FAM83H: variants seen among roughly 807,000 people sequenced by gnomAD.
The protein encoded by FAM83H is scaffolding CK1 anchoring protein H, also known as protein FAM83H.
In FAM83H, 24 loss-of-function variants were observed where a neutral mutation model predicts 30.2. The observed-to-expected ratio is 0.79, with a 90% CI of 0.57 to 1.12. The LOEUF (loss-of-function observed/expected upper bound fraction) is 1.12, where lower values mean the gene tolerates loss of function less well. Among genes scored for constraint, FAM83H ranks in the 50% most tolerant of loss-of-function variants. The pLI, the probability that FAM83H is intolerant of heterozygous loss-of-function variation, is 0.00. For missense variants in FAM83H, 2,038 were observed against 1,773.9 expected (o/e 1.15, Z -2.67); for synonymous variants, 1,013 against 821.7 (o/e 1.23, Z -3.98).
At position 143,728,736 on chromosome 8, in the gene FAM83H, C is replaced by T. The variant is rs1554623586; in HGVS notation, c.738-13G>A. 3 of 1,598,672 alleles carry T rather than the reference C, an allele frequency of 1.9e-6. No homozygotes were observed. Among genetic ancestry groups the T allele is most frequent in the Admixed American group, 3.3e-5 (2 of 60,012 alleles). ...GGACCACATGAAGCTGTGGGGGGGT[C>T]AGGGCCAGAGTCAAACCGAGCTGGA... On this transcript the variant is annotated splice_polypyrimidine_tract_variant and intron_variant, in intron 4 of 4. Coordinates refer to ENST00000388913, the MANE Select transcript of FAM83H (RefSeq NM_198488.5).
At position 143,733,436 on chromosome 8, in the gene FAM83H, C is replaced by T. The variant is rs1818601293; in HGVS notation, c.-16+255G>A. On this transcript the variant is annotated intron_variant, in intron 1 of 4. Coordinates refer to ENST00000388913, the MANE Select transcript of FAM83H (RefSeq NM_198488.5). This position sits in a 1 kb window ranked among gnomAD's most constrained non-coding sequence, Gnocchi z 5.6. ...GCTCGACCCGGATCCCGGGCCCCTT[C>T]CCCCTCGGCTCTTTTCGGGCCGGCG... 6.6e-6 allele frequency among the ~76,000 whole-genome samples: 1 copy of T among 152,166 alleles called. No homozygotes were observed. Among genetic ancestry groups the T allele is most frequent in the African/African-American group, 2.4e-5 (1 of 41,454 alleles).
At position 143,725,873 on chromosome 8, in the gene FAM83H, C is replaced by A; in HGVS notation, c.*48G>T. On this transcript the variant is annotated 3_prime_UTR_variant, in exon 5 of 5. Transcript: ENST00000388913. ...CTGTTCCGCGGGGCTTCTGGATGAC[C>A]GGGGCAGCGATGCGGGCACCCTGGC... 1 of 1,600,348 alleles carries A rather than the reference C, an allele frequency of 6.2e-7. No individual in the cohort carries two copies. The highest frequency in any genetic ancestry group is 8.5e-7 in the Non-Finnish European group (1 of 1,173,292).
At position 143,726,881 on chromosome 8, in the gene FAM83H, G is replaced by A. The variant is rs1554622124; in HGVS notation, c.2580C>T (p.His860=). The A allele has an allele frequency of 1.2e-6, 2 of 1,612,810 alleles. No individual in the cohort carries two copies. The highest frequency in any genetic ancestry group is 1.7e-5 in the Admixed American group (1 of 60,018). Residue 860 remains histidine (H), a synonymous_variant, in exon 5 of 5, where the codon CAC becomes CAT. Coordinates refer to ENST00000388913, the MANE Select transcript of FAM83H (RefSeq NM_198488.5). ...SPLPLEGSGA[H]QVLHNESKGS... ...CTTTTGACTCATTATGGAGCACCTG[G>A]TGCGCTCCGGACCCTTCCAGCGGCA...
In FAM83H at chr8:143,727,729, G is replaced by T; in HGVS notation, c.1732C>A (p.Leu578Met). 3 of 1,527,680 alleles carry T rather than the reference G, an allele frequency of 2.0e-6. No homozygotes were observed. Among genetic ancestry groups the T allele is most frequent in the East Asian group, 2.6e-5 (1 of 38,786 alleles). The allele number at this position is 1,527,680 out of a possible 1,614,324, so 94.6% of individuals were successfully genotyped here. The change falls in exon 5 of 5, where the codon CTG (leucine) becomes ATG (methionine). Residue 578 changes from leucine (L) to methionine (M), a missense_variant. By Grantham distance (15) the Leu-to-Met change is conservative. Coordinates refer to ENST00000388913, the MANE Select transcript of FAM83H (RefSeq NM_198488.5). ...TAGGAGGCCAAACGCCAGCGCCGCAGCCCTGCCCGCCCCTCGGGCCCGCCC... is the reference window on the plus strand; with the variant it reads ...TAGGAGGCCAAACGCCAGCGCCGCATCCCTGCCCGCCCCTCGGGCCCGCCC... Reference protein sequence around the residue: ...RRGGPEGRAGLRRWRLASYLS... With the variant: ...RRGGPEGRAGMRRWRLASYLS...
chr8:143,726,781 T>A lies in FAM83H; in HGVS notation c.2680A>T (p.Thr894Ser). The change falls in exon 5 of 5, where the codon ACT becomes TCT. Residue 894 changes from threonine to serine, a missense_variant. Transcript: ENST00000388913. ...PGFSTRRGSP[T>S]TGFIEQKGSP... ...CCCTTCTGCTCGATAAATCCTGTAG[T>A]TGGACTTCCTCTTCGAGTGGAAAAC... 1 of 1,611,932 alleles carries A rather than the reference T, an allele frequency of 6.2e-7. No homozygotes were observed. The highest frequency in any genetic ancestry group is 2.2e-5 in the East Asian group (1 of 44,852).
chr8:143,728,325 C>A lies in FAM83H; in HGVS notation c.1136G>T (p.Arg379Leu). Residue 379 changes from arginine to leucine, a missense_variant, in exon 5 of 5, where the codon CGC (arginine) becomes CTC (leucine). Transcript: ENST00000388913. ...PHAGLRPLSR[R>L]LEAEAGPAGE... is the part of the protein sequence containing the mutation. ...AGCCGGCCCGGCCTCGGCCTCCAGG[C>A]GCCGCGAGAGCGGCCGCAGCCCCGC... The A allele has an allele frequency of 6.9e-7, 1 of 1,440,358 alleles. No individual in the cohort carries two copies. Among genetic ancestry groups the A allele is most frequent in the Non-Finnish European group, 9.1e-7 (1 of 1,103,406 alleles). 89.2% of individuals were successfully genotyped at this position (1,440,358 alleles called of 1,614,324 possible). A position where few individuals can be genotyped will look rare whatever the true frequency, so the allele number is the denominator to read the frequency against.
intron 1 of FAM83H, 86 bp from the exon 2 acceptor site, chr8:143,730,683 C>A: frequency 1.0e-6 from 1 of 992,134 alleles, no homozygotes; most frequent in Non-Finnish European, 1.4e-6. Flanking sequence ...TGGAAAGGGC[C>A]GTCAGTGACT....
rs377063712 is a variant in FAM83H, at chr8:143,726,394, G to A, written c.3067C>T (p.Leu1023=). The change falls in exon 5 of 5, where the codon CTG becomes TTG. Residue 1023 remains leucine, a synonymous_variant. Coordinates refer to ENST00000388913, the MANE Select transcript of FAM83H (RefSeq NM_198488.5). ...ATEERGPRAR[L]SSATANALYS... ...AAGGCGTTGGCCGTGGCTGAGGACA[G>A]GCGCGCCCGCGGACCCCGCTCTTCT... 7 of 1,608,256 alleles carry A rather than the reference G, an allele frequency of 4.4e-6. No homozygotes were observed. The highest frequency in any genetic ancestry group is 5.1e-6 in the Non-Finnish European group (6 of 1,178,792).
At position 143,728,164 on chromosome 8, in the gene FAM83H, T is replaced by TCTGCCGCGACAC. The variant is rs1324529289; in HGVS notation, c.1285_1296dup (p.Val429_Gln432dup). The TCTGCCGCGACAC allele has an allele frequency of 1.7e-5, 28 of 1,607,638 alleles. No homozygotes were observed. The highest frequency in any genetic ancestry group is 2.4e-5 in the Non-Finnish European group (28 of 1,179,034). On this transcript the variant is annotated inframe_insertion, in exon 5 of 5. Transcript: ENST00000388913. The stretch of plus-strand genomic sequence containing the variant: ...AAGTCGTCGCCGTGGCTGAGGAACG[T>TCTGCCGCGACAC]CTGCCGCGACACCTGCCGCGCGGCC...
rs782336864 is a variant in FAM83H, at chr8:143,727,553, G to T, written c.1908C>A (p.Phe636Leu). ...LPSAFRVPAA[F>L]PTKVPVPGPG... Reference sequence around the variant, plus strand: ...GGCCTGGCACCGGGACCTTGGTGGGGAAGGCTGCTGGGACGCGGAAGGCCG... The same window carrying T: ...GGCCTGGCACCGGGACCTTGGTGGGTAAGGCTGCTGGGACGCGGAAGGCCG... Residue 636 changes from phenylalanine to leucine, a missense_variant, in exon 5 of 5, where the codon TTC (phenylalanine) becomes TTA (leucine). Physicochemically the swap from Phe to Leu is conservative, Grantham distance 22. Transcript: ENST00000388913. 27 of 1,586,902 alleles carry T rather than the reference G, an allele frequency of 1.7e-5. No individual in the cohort carries two copies. The Admixed American group carries it at 4.4e-4, about 26-fold the overall frequency.
chr8:143,726,047 G>C lies in FAM83H; in HGVS notation c.3414C>G (p.Val1138=), dbSNP rs782787392. The change falls in exon 5 of 5, where the codon GTC becomes GTG. Residue 1138 remains valine, a synonymous_variant. Coordinates refer to ENST00000388913, the MANE Select transcript of FAM83H (RefSeq NM_198488.5). The stretch of plus-strand genomic sequence containing the variant: ...TGCTGGCCTCCTCTTTCTTGCAGAA[G>C]ACCTCGAAGCGGCTGTACACGCGCT... The part of the protein sequence containing the change: ...KEKRVYSRFE[V]FCKKEEASSP... 6.2e-6 allele frequency: 10 copies of C among 1,612,572 alleles called. No individual in the cohort carries two copies. Among genetic ancestry groups the C allele is most frequent in the South Asian group, 2.2e-5 (2 of 91,014 alleles).
rs781822439 is a variant in FAM83H at position 143,725,742 on chromosome 8, G to A, written c.*179C>T. On this transcript the variant is annotated 3_prime_UTR_variant, in exon 5 of 5. Transcript: ENST00000388913. ...TTGGGGAGGCCAGGGGGCAGAGACG[G>A]CAGCTGCCAGGTGAGCCTCCAGTGG... 7.8e-5 allele frequency: 85 copies of A among 1,090,246 alleles called. No individual in the cohort carries two copies. The highest frequency in any genetic ancestry group is 9.7e-5 in the Non-Finnish European group (75 of 776,034). 67.5% of individuals were successfully genotyped at this position (1,090,246 alleles called of 1,614,324 possible). A position where few individuals can be genotyped will look rare whatever the true frequency, so the allele number is the denominator to read the frequency against.
At position 143,725,167 on chromosome 8, in the gene FAM83H, G is replaced by A. The variant is rs1192110719; in HGVS notation, c.*754C>T. ...GGGGAGGGGGGAGACGGGGGGGGGG[G>A]GGGGGGAGGGAAGGAGGAGACCTTG... On this transcript the variant is annotated 3_prime_UTR_variant, in exon 5 of 5. Transcript: ENST00000388913. The A allele has an allele frequency of 6.0e-5, 8 of 133,428 alleles. No individual in the cohort carries two copies. The highest frequency in any genetic ancestry group is 1.9e-4 in the African/African-American group (7 of 36,818). The allele number at this position is 133,428 out of a possible 1,614,324, so 8.3% of individuals were successfully genotyped here.
intron 4 of FAM83H, 60 bp downstream of exon 4, chr8:143,728,907 G>C: frequency 6.2e-7 from 1 of 1,611,496 alleles, no homozygotes; most frequent in Non-Finnish European, 8.5e-7. Context: ...GTGGAAAGGG[G>C]GTGCTGGGGT....
chr8:143,727,396 TGAA>T lies in FAM83H; in HGVS notation c.2062_2064del (p.Phe688del). The T allele has an allele frequency of 1.3e-6, 2 of 1,573,742 alleles. No individual in the cohort carries two copies. The highest frequency in any genetic ancestry group is 1.3e-5 in the African/African-American group (1 of 74,496). ...GCCGCGCCCTCGGCCTGTGACGTGC[TGAA>T]GATGAGCGAGGAGCGCAGCCTGGAG... On this transcript the variant is annotated inframe_deletion, in exon 5 of 5. Transcript: ENST00000388913.
rs782778595 is a variant in FAM83H at position 143,727,730 on chromosome 8, C to T, written c.1731G>A (p.Gly577=). The T allele has an allele frequency of 3.3e-6, 5 of 1,526,532 alleles. No individual in the cohort carries two copies. The highest frequency in any genetic ancestry group is 3.9e-5 in the Admixed American group (2 of 50,968). The allele number at this position is 1,526,532 out of a possible 1,614,324, so 94.6% of individuals were successfully genotyped here. A position where few individuals can be genotyped will look rare whatever the true frequency, so the allele number is the denominator to read the frequency against. ...AGGAGGCCAAACGCCAGCGCCGCAG[C>T]CCTGCCCGCCCCTCGGGCCCGCCCC... ...ERRGGPEGRA[G]LRRWRLASYL... The change falls in exon 5 of 5, where the codon GGG becomes GGA. Residue 577 remains glycine, a synonymous_variant. Coordinates refer to ENST00000388913, the MANE Select transcript of FAM83H (RefSeq NM_198488.5).
intron 1 of FAM83H, chr8:143,731,657 C>T (rs1554624512): frequency 1.0e-6 from 1 of 985,372 alleles, no homozygotes; most frequent in Non-Finnish European, 1.2e-6. Context: ...CCCTTGGTGC[C>T]CACAGGGCCC....
In FAM83H at chr8:143,726,245, G is replaced by A. The variant is rs782077098; in HGVS notation, c.3216C>T (p.Gly1072=). Residue 1072 remains glycine (G), a synonymous_variant, in exon 5 of 5, where the codon GGC becomes GGT. Coordinates refer to ENST00000388913, the MANE Select transcript of FAM83H (RefSeq NM_198488.5). ...PGPTHNSPEL[G]RPPAAGVLAP... is the part of the protein sequence containing the mutation. ...CCAGGACGCCAGCAGCCGGTGGACGGCCTAGCTCGGGGCTGTTGTGGGTCG... is the reference window on the plus strand; with the variant it reads ...CCAGGACGCCAGCAGCCGGTGGACGACCTAGCTCGGGGCTGTTGTGGGTCG... 3 of 1,612,222 alleles carry A rather than the reference G, an allele frequency of 1.9e-6. No homozygotes were observed. The highest frequency in any genetic ancestry group is 1.7e-6 in the Non-Finnish European group (2 of 1,179,746).
chr8:143,726,462 C>G lies in FAM83H; in HGVS notation c.2999G>C (p.Arg1000Pro). The change falls in exon 5 of 5, where the codon CGG (arginine) becomes CCG (proline). Residue 1000 changes from arginine to proline, a missense_variant. Coordinates refer to ENST00000388913, the MANE Select transcript of FAM83H (RefSeq NM_198488.5). ...GTCACCCTGGCCCAGTGACAGACGC[C>G]GCGGGCTCTCGGGTTGGCCGTTCTC... ...PQENGQPESP[R>P]RLSLGQGDST... 1 of 1,602,730 alleles carries G rather than the reference C, an allele frequency of 6.2e-7. No individual in the cohort carries two copies. Among genetic ancestry groups the G allele is most frequent in the Non-Finnish European group, 8.5e-7 (1 of 1,177,874 alleles).
Sources: gnomAD v4.1 joint callset for allele counts (sites outside exome capture counted in the v4.1 genomes callset) on GRCh38, gnomAD v4.1.1 for gene constraint, Gnocchi (gnomAD v3.1) non-coding constraint, MANE v1.5 for transcripts, NCBI Gene and HGNC (gene_info 2026-07-23, HGNC 2026-07-21) for gene names.